Variants in C12orf56 observed in about 807,000 individuals in gnomAD.
The protein encoded by C12orf56 is uncharacterized protein C12orf56.
A neutral mutation model predicts 69.9 loss-of-function variants in C12orf56; 71 were observed. The ratio of observed to expected loss-of-function variants is 1.02; its 90% CI spans 0.84 to 1.24. The LOEUF (loss-of-function observed/expected upper bound fraction) is 1.24, where lower values mean the gene tolerates loss of function less well. Ranked by LOEUF, C12orf56 falls within the 50% of genes most tolerant of loss-of-function variation. C12orf56 has a pLI of 0.00. For synonymous variants in C12orf56, 276 were observed against 274.1 expected, an observed-to-expected ratio of 1.01 and a Z score of -0.07; for missense variants, 732 against 738.5, an observed-to-expected ratio of 0.99 and a Z score of 0.10.
At chr12:64,330,918 T>G (rs1315875105) in intron 3 of C12orf56, 42 bp downstream of exon 3, 1 of 1,452,362 alleles carries the variant, frequency 6.9e-7, no homozygotes, top group African/African-American at 1.4e-5. Context: ...TAAAAATGTT[T>G]TGGTTAGCAA....
intron 1 of C12orf56, 97 bp from the exon 2 acceptor site, chr12:64,353,153 T>C: frequency 1.7e-6 from 2 of 1,194,006 alleles, no homozygotes; most frequent in South Asian, 1.3e-5. Context: ...AGTTTTTTTT[T>C]TCCACATATA....
At chr12:64,356,332 T>C (rs1398295655) in intron 1 of C12orf56, among the ~76,000 whole-genome samples, 1 of 152,202 alleles carries the variant, frequency 6.6e-6, no homozygotes, top group Non-Finnish European at 1.5e-5. Flanking sequence ...TGTTCCTCAG[T>C]GCTGAAAAGA....
In C12orf56 at chr12:64,363,787, A is replaced by G. The variant is rs189098162; in HGVS notation, c.253-10731T>C. Among the ~76,000 whole-genome samples, 225 of 152,280 alleles carry G rather than the reference A, an allele frequency of 1.5e-3. 6 individuals are homozygous for G. Among genetic ancestry groups the G allele is most frequent in the Admixed American group, 0.014 (210 of 15,296 alleles). On this transcript the variant is annotated intron_variant, in intron 1 of 12. Transcript: ENST00000543942. ...GTCGTCCTTTTGGATCTTTTTAATAATGTGTGACCCTTCACCTTTAATCCC... is the reference window on the plus strand; with the variant it reads ...GTCGTCCTTTTGGATCTTTTTAATAGTGTGTGACCCTTCACCTTTAATCCC...
chr12:64,333,036 A>G (rs1346945936), intron 2 of C12orf56, among the ~76,000 whole-genome samples: 1 of 152,232 alleles, frequency 6.6e-6, no homozygotes, highest in East Asian at 1.9e-4. Flanking sequence ...CATTTCACAA[A>G]TAATGGTACA....
intron 5 of C12orf56, among the ~76,000 whole-genome samples, chr12:64,308,953 A>AAGAAAGAAAGAAAG (rs1565749042): frequency 1.0e-4 from 12 of 116,892 alleles, no homozygotes; most frequent in Middle Eastern, 3.8e-3. Context: ...GAAAGAAAGA[A>AAGAAAGAAAGAAAG]AGAAAGAAAG....
chr12:64,360,014 G>A (rs537151545), intron 1 of C12orf56, among the ~76,000 whole-genome samples: 4 of 152,068 alleles, frequency 2.6e-5, no homozygotes, highest in African/African-American at 7.2e-5. Context: ...TGCGTCCAGC[G>A]AAAAGAATTT....
chr12:64,381,013 A>G (rs1249365229), intron 1 of C12orf56, among the ~76,000 whole-genome samples: 4 of 151,610 alleles, frequency 2.6e-5, no homozygotes, highest in Admixed American at 6.6e-5. Flanking sequence ...AGACAGGGGA[A>G]TTGCAATAGA....
In C12orf56 at chr12:64,340,210, T is replaced by A. The variant is rs1486890111; in HGVS notation, c.416-9178A>T. Among the ~76,000 whole-genome samples the A allele has an allele frequency of 2.0e-5, 3 of 152,218 alleles. No individual in the cohort carries two copies. In the East Asian group the frequency reaches 5.8e-4, roughly 29 times the overall value. On this transcript the variant is annotated intron_variant, in intron 2 of 12. Coordinates refer to ENST00000543942, the MANE Select transcript of C12orf56 (RefSeq NM_001170633.2). ...TGGGAGGCTAGACCGGTCTCTGTTT[T>A]CACATTTTTCTGCCTGCTTATATTC...
At chr12:64,369,192 A>G (rs1301156116) in intron 1 of C12orf56, among the ~76,000 whole-genome samples, 1 of 152,020 alleles carries the variant, frequency 6.6e-6, no homozygotes, top group Non-Finnish European at 1.5e-5. Flanking sequence ...GTAAAAATAA[A>G]AGACAGTTAA....
chr12:64,312,738 T>C lies in C12orf56; in HGVS notation c.909A>G (p.Leu303=), dbSNP rs1366775606. 1 of 1,535,816 alleles carries C rather than the reference T, an allele frequency of 6.5e-7. No homozygotes were observed. The highest frequency in any genetic ancestry group is 8.7e-7 in the Non-Finnish European group (1 of 1,146,072). ...WNNYIIKATL[L]QDPFYASEFS... ...ACTCACTAGCATAGAAGGGATCTTG[T>C]AAAAGAGTAGCTTTCTGAAAAAGGA... Residue 303 remains leucine (L), a synonymous_variant, in exon 5 of 13, where the codon TTA becomes TTG. Transcript: ENST00000543942.
intron 1 of C12orf56, among the ~76,000 whole-genome samples, chr12:64,373,124 T>C (rs1350448581): frequency 2.0e-5 from 3 of 152,134 alleles, no homozygotes; most frequent in African/African-American, 7.2e-5. Context: ...AAGTTATGAG[T>C]TACTCAAAAA....
At chr12:64,317,080 C>T (rs2038699740) in intron 4 of C12orf56, among the ~76,000 whole-genome samples, 2 of 152,012 alleles carry the variant, frequency 1.3e-5, no homozygotes, top group African/African-American at 4.8e-5. Context: ...TTTTTTAATA[C>T]ACCAGAGCTT....
At position 64,390,432 on chromosome 12, in the gene C12orf56, G is replaced by A; in HGVS notation, c.134C>T (p.Ser45Phe). Residue 45 changes from serine (S) to phenylalanine (F), a missense_variant, in exon 1 of 13, where the codon TCT becomes TTT. By Grantham distance (155) the Ser-to-Phe change is radical (BLOSUM62 -2). Transcript: ENST00000543942. ...CACATACTTGAGGATGTGGTTCTCA[G>A]AGTTGGACACCACGATGCATGGCTC... ...AYEPCIVVSN[S>F]ENHILKYVVL... The A allele has an allele frequency of 6.2e-7, 1 of 1,612,448 alleles. No homozygotes were observed.
chr12:64,337,044 C>G (rs2039006313), intron 2 of C12orf56, among the ~76,000 whole-genome samples: 1 of 152,162 alleles, frequency 6.6e-6, no homozygotes, highest in Non-Finnish European at 1.5e-5. Context: ...AAACAGGATT[C>G]AAACCTGGGC....
chr12:64,325,364 A>AT (rs2038824323), intron 3 of C12orf56, among the ~76,000 whole-genome samples: 3 of 72,298 alleles, frequency 4.1e-5, no homozygotes, highest in Non-Finnish European at 8.0e-5. Context: ...CCCTGTCTAA[A>AT]AAAAAAAAAA....
At chr12:64,345,208 T>C (rs530713681) in intron 2 of C12orf56, among the ~76,000 whole-genome samples, 8 of 152,126 alleles carry the variant, frequency 5.3e-5, no homozygotes, top group Admixed American at 4.6e-4. Flanking sequence ...AACAGGAACA[T>C]TGGGGGGTGG....
At chr12:64,376,959 A>C (rs1340005838) in intron 1 of C12orf56, among the ~76,000 whole-genome samples, 1 of 151,716 alleles carries the variant, frequency 6.6e-6, no homozygotes, top group East Asian at 1.9e-4. Context: ...ACAATGATTC[A>C]ATTAATTTAC....
At chr12:64,336,541 A>G (rs771037029) in intron 2 of C12orf56, among the ~76,000 whole-genome samples, 14 of 152,184 alleles carry the variant, frequency 9.2e-5, no homozygotes, top group Non-Finnish European at 2.1e-4. Flanking sequence ...AAGGCAACCA[A>G]CACCAATTAG....
chr12:64,336,497 A>T (rs528277074), intron 2 of C12orf56, among the ~76,000 whole-genome samples: 42 of 152,330 alleles, frequency 2.8e-4, no homozygotes, highest in South Asian at 6.2e-4. Context: ...AGCCAAGAAT[A>T]ATTATGCTTG....
Sources: gnomAD v4.1 joint callset for allele counts (sites outside exome capture counted in the v4.1 genomes callset) on GRCh38, gnomAD v4.1.1 for gene constraint, MANE v1.5 for transcripts, NCBI Gene and HGNC (gene_info 2026-07-23, HGNC 2026-07-21) for gene names.